ATE1: variants seen among roughly 807,000 people sequenced by gnomAD.
ATE1 encodes the protein arginyl-tRNA--protein transferase 1.
In ATE1, 36 loss-of-function variants were observed where a neutral mutation model predicts 70.5. The ratio of observed to expected loss-of-function variants is 0.51; its 90% CI spans 0.39 to 0.67. ATE1 has a LOEUF of 0.67. Among genes scored for constraint, ATE1 ranks in the 30% least tolerant of loss-of-function variants. ATE1 has a pLI of 0.00. For synonymous variants in ATE1, 232 were observed against 219.3 expected, an observed-to-expected ratio of 1.06 and a Z score of -0.51; for missense variants, 593 against 629.5, an observed-to-expected ratio of 0.94 and a Z score of 0.62.
intron 8 of ATE1, among the ~76,000 whole-genome samples, chr10:121,854,659 C>A (rs1949179461): frequency 6.6e-6 from 1 of 152,096 alleles, no homozygotes; most frequent in South Asian, 2.1e-4. Flanking sequence ...ATATTATCCC[C>A]AGGGATGGTA....
chr10:121,779,836 C>T (rs559241504), intron 11 of ATE1, among the ~76,000 whole-genome samples: 10 of 152,290 alleles, frequency 6.6e-5, no homozygotes, highest in African/African-American at 2.4e-4. Context: ...AAGGTCTTCA[C>T]CAAGATTGTT....
intron 8 of ATE1, among the ~76,000 whole-genome samples, chr10:121,861,864 T>C (rs1369764559): frequency 1.3e-5 from 2 of 152,216 alleles, no homozygotes; most frequent in South Asian, 2.1e-4. Flanking sequence ...ACAACAACAA[T>C]GTACTCCTAT....
At chr10:121,905,933 G>C (rs1413596575) in intron 5 of ATE1, among the ~76,000 whole-genome samples, 3 of 152,058 alleles carry the variant, frequency 2.0e-5, no homozygotes, top group African/African-American at 7.2e-5. Context: ...AATGAAAATA[G>C]ATCATCAGTG....
chr10:121,816,411 C>T (rs35526582), intron 10 of ATE1, among the ~76,000 whole-genome samples: 4,785 of 152,254 alleles, frequency 0.031, 127 homozygotes, highest in Middle Eastern at 0.054. Context: ...GTGATTATGT[C>T]ATGAGGGCTC....
intron 6 of ATE1, among the ~76,000 whole-genome samples, chr10:121,900,423 T>C (rs10749433): frequency 0.9 from 137,675 of 152,266 alleles, 62,399 homozygotes; most frequent in Middle Eastern, 0.96. Flanking sequence ...ACTTAAAACT[T>C]GACTGTTTGA....
Position 121,823,570 on chromosome 10 carries a change from C to A in ATE1, c.1257+13148G>T, listed in dbSNP as rs192051920. 3.9e-4 allele frequency among the ~76,000 whole-genome samples: 60 copies of A among 152,314 alleles called. No homozygotes were observed. In the East Asian group the frequency reaches 8.5e-3, roughly 22 times the overall value. On this transcript the variant is annotated intron_variant, in intron 10 of 11. Coordinates refer to ENST00000224652, the MANE Select transcript of ATE1 (RefSeq NM_001001976.3). ...CGTGCACACAGATAGTGCCCAGCAG[C>A]CAGAGCATGGGCTATGCAAGAGAAG...
intron 8 of ATE1, among the ~76,000 whole-genome samples, chr10:121,851,459 C>T (rs1459371859): frequency 6.6e-6 from 1 of 152,228 alleles, no homozygotes; most frequent in Non-Finnish European, 1.5e-5. Flanking sequence ...TCAATGTCTG[C>T]ATTTTTCAAA....
At chr10:121,919,991 C>T (rs1315483915) in intron 3 of ATE1, among the ~76,000 whole-genome samples, 1 of 151,518 alleles carries the variant, frequency 6.6e-6, no homozygotes, top group East Asian at 1.9e-4. Context: ...GGTTTGCAAC[C>T]CAAAAACAAG....
chr10:121,852,839 A>C (rs1394037116), intron 8 of ATE1, among the ~76,000 whole-genome samples: 2 of 152,206 alleles, frequency 1.3e-5, no homozygotes, highest in Admixed American at 6.5e-5. Flanking sequence ...AAAAAGTAAT[A>C]AATTTGGAAA....
At position 121,740,787 on chromosome 10, in the gene ATE1, A is replaced by G. The variant is rs1473913998; in HGVS notation, c.*2893T>C. The G allele has an allele frequency of 6.6e-6, 1 of 152,226 alleles. No homozygotes were observed. 9.4% of individuals were successfully genotyped at this position (152,226 alleles called of 1,614,324 possible). ...CACGTTAAGAAACTACACACAACAA[A>G]TATTTGCAAAATGAATGAAAAATAG... On this transcript the variant is annotated 3_prime_UTR_variant, in exon 12 of 12. Coordinates refer to ENST00000224652, the MANE Select transcript of ATE1 (RefSeq NM_001001976.3).
chr10:121,925,971 C>T (rs184138525), intron 1 of ATE1, among the ~76,000 whole-genome samples: 55 of 152,088 alleles, frequency 3.6e-4, no homozygotes, highest in African/African-American at 1.3e-3. Flanking sequence ...TTTGGGAGGC[C>T]GAGGCGGGTA....
At chr10:121,885,019 G>C (rs536673810) in intron 7 of ATE1, among the ~76,000 whole-genome samples, 1 of 152,114 alleles carries the variant, frequency 6.6e-6, no homozygotes, top group African/African-American at 2.4e-5. Flanking sequence ...CCAGCACTTT[G>C]GGAGGCCAAG....
intron 11 of ATE1, among the ~76,000 whole-genome samples, chr10:121,787,877 T>C (rs1399308257): frequency 6.6e-6 from 1 of 152,208 alleles, no homozygotes; most frequent in Non-Finnish European, 1.5e-5. Flanking sequence ...TTCTCAACTT[T>C]ATAAAAGGAG....
At chr10:121,875,684 T>C (rs1564918150) in intron 7 of ATE1, among the ~76,000 whole-genome samples, 1 of 152,154 alleles carries the variant, frequency 6.6e-6, no homozygotes, top group African/African-American at 2.4e-5. Context: ...GGCAGTCTCC[T>C]GAGACACTCT....
At chr10:121,816,966 G>A (rs1280723082) in intron 10 of ATE1, among the ~76,000 whole-genome samples, 1 of 152,182 alleles carries the variant, frequency 6.6e-6, no homozygotes, top group Non-Finnish European at 1.5e-5. Context: ...AAGTGCCAAT[G>A]CAAGGGTATT....
chr10:121,928,220 G>C, upstream of ATE1: 1 of 1,335,346 alleles, frequency 7.5e-7, no homozygotes, highest in South Asian at 1.7e-5. Context: ...AGCGGGAAGG[G>C]AAACAGGATG....
chr10:121,868,643 T>C (rs1949744089), intron 8 of ATE1, among the ~76,000 whole-genome samples: 1 of 152,152 alleles, frequency 6.6e-6, no homozygotes, highest in South Asian at 2.1e-4. Context: ...TTATCTCCAT[T>C]TTTAGATCAG....
At chr10:121,805,604 C>T (rs1590347993) in intron 10 of ATE1, among the ~76,000 whole-genome samples, 1 of 152,172 alleles carries the variant, frequency 6.6e-6, no homozygotes, top group African/African-American at 2.4e-5. Flanking sequence ...GGTACTAATA[C>T]TTTAAAATGT....
intron 7 of ATE1, 99 bp downstream of exon 7, chr10:121,899,767 A>C: frequency 6.7e-7 from 1 of 1,493,240 alleles, no homozygotes; most frequent in Admixed American, 2.2e-5. Context: ...AATTGAACAC[A>C]AATAAAATGT....
Sources: allele counts gnomAD v4.1 joint callset (sites outside exome capture counted in the v4.1 genomes callset), GRCh38; gene constraint gnomAD v4.1.1; transcripts MANE v1.5; gene names NCBI Gene and HGNC (gene_info 2026-07-23, HGNC 2026-07-21).